Variants in DSCAM observed in about 807,000 individuals in gnomAD.
The protein encoded by DSCAM is cell adhesion molecule DSCAM.
A neutral mutation model predicts 217.7 loss-of-function variants in DSCAM; 47 were observed. The ratio of observed to expected loss-of-function variants is 0.22; its 90% CI spans 0.17 to 0.28. The LOEUF is 0.28. Among genes scored for constraint, DSCAM ranks in the 10% least tolerant of loss-of-function variants. The pLI, the probability that DSCAM is intolerant of heterozygous loss-of-function variation, is 1.00. For missense variants in DSCAM, 2,080 were observed against 2,618.3 expected (o/e 0.79, Z 4.49); for synonymous variants, 1,056 against 1,015.3 (o/e 1.04, Z -0.76).
chr21:40,362,803 T>C (rs1468241705), intron 4 of DSCAM, among the ~76,000 whole-genome samples: 1 of 152,170 alleles, frequency 6.6e-6, no homozygotes, highest in Non-Finnish European at 1.5e-5. Flanking sequence ...TTATATGAAA[T>C]ATATATGCAG....
intron 3 of DSCAM, among the ~76,000 whole-genome samples, chr21:40,654,926 T>G (rs750912912): frequency 2.0e-5 from 3 of 152,124 alleles, no homozygotes; most frequent in Non-Finnish European, 4.4e-5. Flanking sequence ...CCACACTTAC[T>G]AAGTACCAGA....
chr21:40,652,828 C>T (rs573729355), intron 3 of DSCAM, among the ~76,000 whole-genome samples: 4 of 152,142 alleles, frequency 2.6e-5, no homozygotes, highest in Admixed American at 6.5e-5. Flanking sequence ...TGGATTATGA[C>T]GAGTGTCTGT....
chr21:40,640,946 T>A (rs7280238), intron 3 of DSCAM, among the ~76,000 whole-genome samples: 5 of 152,250 alleles, frequency 3.3e-5, no homozygotes, highest in African/African-American at 1.2e-4. Context: ...TTTAGGAAAT[T>A]ATTCCTACTT....
chr21:40,092,799 G>A (rs2089628494), intron 21 of DSCAM, among the ~76,000 whole-genome samples: 1 of 152,036 alleles, frequency 6.6e-6, no homozygotes, highest in Non-Finnish European at 1.5e-5. Context: ...CATAAAGTAA[G>A]TCCCCCAGTT....
intron 11 of DSCAM, among the ~76,000 whole-genome samples, chr21:40,224,550 G>A (rs2091314976): frequency 6.6e-6 from 1 of 152,164 alleles, no homozygotes; most frequent in African/African-American, 2.4e-5. Context: ...GACTGCTTGG[G>A]AAATGCAGCC....
intron 1 of DSCAM, among the ~76,000 whole-genome samples, chr21:40,819,346 GC>G (rs2091908212): frequency 6.6e-6 from 1 of 152,194 alleles, no homozygotes; most frequent in Non-Finnish European, 1.5e-5. Context: ...GAGCTTTTCA[GC>G]CCCATGTGAA....
chr21:40,200,247 A>G (rs115425355), intron 11 of DSCAM, among the ~76,000 whole-genome samples: 107 of 152,100 alleles, frequency 7.0e-4, no homozygotes, highest in African/African-American at 2.4e-3. Context: ...TCATCCCCCA[A>G]ACTTTTTCTT....
chr21:40,527,856 C>A lies in DSCAM; in HGVS notation c.509-158611G>T, dbSNP rs563194906. 1.8e-4 allele frequency among the ~76,000 whole-genome samples: 27 copies of A among 152,256 alleles called. No individual in the cohort carries two copies. The South Asian group carries it at 5.2e-3, about 29-fold the overall frequency. On this transcript the variant is annotated intron_variant, in intron 3 of 32. Transcript: ENST00000400454. ...GTGGGTGAAATCCTGAGACAGAAAC[C>A]CTGTATGCGGCTCTCCTTTTATCTG... is the stretch of plus-strand genomic sequence containing the variant.
chr21:40,105,814 C>G (rs773912070), intron 20 of DSCAM, among the ~76,000 whole-genome samples: 2 of 152,126 alleles, frequency 1.3e-5, no homozygotes, highest in African/African-American at 4.8e-5. Context: ...AAATTGCACA[C>G]AAAAAACTGA....
At chr21:40,620,366 AAAAG>A (rs71186951) in intron 3 of DSCAM, among the ~76,000 whole-genome samples, 2,132 of 124,738 alleles carry the variant, frequency 0.017, 145 homozygotes, top group African/African-American at 0.056. Flanking sequence ...AGAAAAAAGA[AAAAG>A]AAAGAAAGAA....
At chr21:40,143,562 C>A (rs1601378567) in intron 17 of DSCAM, among the ~76,000 whole-genome samples, 1 of 152,138 alleles carries the variant, frequency 6.6e-6, no homozygotes, top group Admixed American at 6.5e-5. Context: ...GAGGCCGAGG[C>A]GGGCAGATCA....
chr21:40,533,524 T>A (rs536617717), intron 3 of DSCAM, among the ~76,000 whole-genome samples: 20 of 149,710 alleles, frequency 1.3e-4, no homozygotes, highest in Middle Eastern at 3.5e-3. Flanking sequence ...CATCCATCCA[T>A]CTGTCCATCC....
intron 20 of DSCAM, 46 bp downstream of exon 20, chr21:40,124,149 G>A (rs571406079): frequency 9.3e-6 from 15 of 1,611,996 alleles, no homozygotes; most frequent in East Asian, 8.9e-5. Flanking sequence ...CCTGCAGCTC[G>A]TCCCTGGCAG....
intron 32 of DSCAM, among the ~76,000 whole-genome samples, chr21:40,033,325 G>A (rs1165347083): frequency 6.6e-6 from 1 of 152,212 alleles, no homozygotes; most frequent in South Asian, 2.1e-4. Context: ...TGCACACCAT[G>A]CGCGAGCCGA....
chr21:40,078,643 C>G lies in DSCAM; in HGVS notation c.4711+44G>C, dbSNP rs751993568. On this transcript the variant is annotated intron_variant, in intron 26 of 32. Coordinates refer to ENST00000400454, the MANE Select transcript of DSCAM (RefSeq NM_001389.5). ...AAAGGGGCAGGGCCCACGTGCACAT[C>G]CCCCAAGACACAAGCAGGAGAGCCA... 7.6e-6 allele frequency: 12 copies of G among 1,587,728 alleles called. No homozygotes were observed. The South Asian group carries it at 1.2e-4, about 15-fold the overall frequency.
intron 3 of DSCAM, among the ~76,000 whole-genome samples, chr21:40,691,793 T>C (rs1000598121): frequency 3.3e-5 from 5 of 152,248 alleles, no homozygotes; most frequent in African/African-American, 1.2e-4. Flanking sequence ...TAATGTGCTA[T>C]GATGGCAATG....
rs576289449 is a variant in DSCAM, at chr21:40,664,782, T to C, written c.508+28028A>G. 5.3e-5 allele frequency among the ~76,000 whole-genome samples: 8 copies of C among 152,282 alleles called. No homozygotes were observed. In the South Asian group the frequency reaches 1.7e-3, roughly 32 times the overall value. On this transcript the variant is annotated intron_variant, in intron 3 of 32. Coordinates refer to ENST00000400454, the MANE Select transcript of DSCAM (RefSeq NM_001389.5). ...TGTTCAGAGGAGAAGCAACAAATGGTACACAGGTGATAGGGCTTGGATGTT... is the reference window on the plus strand; with the variant it reads ...TGTTCAGAGGAGAAGCAACAAATGGCACACAGGTGATAGGGCTTGGATGTT...
At chr21:40,771,422 G>A (rs2091444132) in intron 1 of DSCAM, among the ~76,000 whole-genome samples, 1 of 152,188 alleles carries the variant, frequency 6.6e-6, no homozygotes, top group African/African-American at 2.4e-5. Context: ...TTCCCGAAAG[G>A]TGGAGTTTTG....
At chr21:40,173,179 C>T (rs2090677783) in intron 15 of DSCAM, among the ~76,000 whole-genome samples, 2 of 152,110 alleles carry the variant, frequency 1.3e-5, no homozygotes, top group African/African-American at 4.8e-5. Context: ...AAATCAACAA[C>T]TTATACAGTA....
Sources: gnomAD v4.1 joint callset for allele counts (sites outside exome capture counted in the v4.1 genomes callset) on GRCh38, gnomAD v4.1.1 for gene constraint, MANE v1.5 for transcripts, NCBI Gene and HGNC (gene_info 2026-07-23, HGNC 2026-07-21) for gene names.